Variants in CTNNA3 observed in about 807,000 individuals in gnomAD.
CTNNA3 encodes catenin alpha-3.
A neutral mutation model predicts 95.7 loss-of-function variants in CTNNA3; 76 were observed. The ratio of observed to expected loss-of-function variants is 0.79; its 90% CI spans 0.66 to 0.96. The LOEUF (loss-of-function observed/expected upper bound fraction) is 0.96, where lower values mean the gene tolerates loss of function less well. Ranked by LOEUF, CTNNA3 falls within the 40% of genes least tolerant of loss-of-function variation. The pLI is 0.00. For synonymous variants in CTNNA3, 431 were observed against 374.4 expected (o/e 1.15, Z -1.74); for missense variants, 1,191 against 1,089.8 (o/e 1.09, Z -1.31).
At chr10:67,559,735 T>G (rs1841415380) in intron 3 of CTNNA3, among the ~76,000 whole-genome samples, 1 of 151,964 alleles carries the variant, frequency 6.6e-6, no homozygotes, top group Non-Finnish European at 1.5e-5. Context: ...GTTAAAAACT[T>G]TGAAAAAAAT....
chr10:67,065,729 C>T (rs1856033898), intron 7 of CTNNA3, among the ~76,000 whole-genome samples: 1 of 152,012 alleles, frequency 6.6e-6, no homozygotes, highest in South Asian at 2.1e-4. Context: ...CTAAGCCACA[C>T]GATAAAGGAG....
chr10:66,065,884 A>T (rs960081810), intron 15 of CTNNA3, among the ~76,000 whole-genome samples: 1 of 151,852 alleles, frequency 6.6e-6, no homozygotes, highest in African/African-American at 2.4e-5. Context: ...TTTTTTTGAG[A>T]CAGAGTTTCG....
At chr10:67,714,645 G>A (rs1237406452) in intron 1 of CTNNA3, among the ~76,000 whole-genome samples, 1 of 152,204 alleles carries the variant, frequency 6.6e-6, no homozygotes, top group Non-Finnish European at 1.5e-5. Flanking sequence ...GGACTGTTGA[G>A]AAGGCATGAC....
chr10:66,345,840 C>T (rs2092504091), intron 12 of CTNNA3, among the ~76,000 whole-genome samples: 1 of 151,778 alleles, frequency 6.6e-6, no homozygotes. Flanking sequence ...CTTTGGGAGG[C>T]CAAGGCGGGT....
intron 7 of CTNNA3, among the ~76,000 whole-genome samples, chr10:66,949,914 G>A (rs141342188): frequency 2.0e-4 from 31 of 152,262 alleles, no homozygotes; most frequent in Middle Eastern, 3.4e-3. Flanking sequence ...TCAGAATCAC[G>A]GGCCTAAAGC....
chr10:66,216,305 A>C (rs12412371), intron 13 of CTNNA3, among the ~76,000 whole-genome samples: 2,373 of 152,356 alleles, frequency 0.016, 155 homozygotes, highest in Admixed American at 0.11. Context: ...AATCAAGATC[A>C]ACAGTACTGT....
At chr10:67,758,281 T>C (rs1841444102) in intron 1 of CTNNA3, among the ~76,000 whole-genome samples, 1 of 146,690 alleles carries the variant, frequency 6.8e-6, no homozygotes, top group African/African-American at 2.5e-5. Flanking sequence ...CTCATGTGTA[T>C]ATGTATATAC....
chr10:67,330,184 T>C (rs564117050), intron 5 of CTNNA3, among the ~76,000 whole-genome samples: 2 of 152,304 alleles, frequency 1.3e-5, no homozygotes, highest in African/African-American at 4.8e-5. Flanking sequence ...CAGGATTCTG[T>C]TTTTAGAAGA....
At chr10:67,553,299 A>G (rs1353441587) in intron 3 of CTNNA3, among the ~76,000 whole-genome samples, 1 of 152,028 alleles carries the variant, frequency 6.6e-6, no homozygotes, top group African/African-American at 2.4e-5. Context: ...TTATGTACAA[A>G]ATTTAATTCA....
At chr10:67,124,333 GGTGTGTGTGTGT>G (rs141981196) in intron 7 of CTNNA3, among the ~76,000 whole-genome samples, 27 of 141,870 alleles carry the variant, frequency 1.9e-4, no homozygotes, top group African/African-American at 5.5e-4. Flanking sequence ...GTGTGTTAGC[GGTGTGTGTGTGT>G]GTGTGTGTGT....
intron 9 of CTNNA3, among the ~76,000 whole-genome samples, chr10:66,656,917 C>CTGCCAAAAT (rs1757753337): frequency 6.6e-6 from 1 of 151,972 alleles, no homozygotes; most frequent in African/African-American, 2.4e-5. Flanking sequence ...AAGCTGTTTC[C>CTGCCAAAAT]TGCCAAAATT....
intron 1 of CTNNA3, among the ~76,000 whole-genome samples, chr10:67,691,637 G>C (rs961382625): frequency 1.3e-5 from 2 of 151,736 alleles, no homozygotes; most frequent in Non-Finnish European, 2.9e-5. Flanking sequence ...TCTGAGAAGT[G>C]AGGAGCCCCT....
intron 9 of CTNNA3, among the ~76,000 whole-genome samples, chr10:66,664,586 C>A (rs4288662): frequency 6.6e-6 from 1 of 151,954 alleles, no homozygotes. Flanking sequence ...GGTGCCATGA[C>A]TACGACAAGC....
At chr10:67,205,813 G>C (rs558117304) in intron 6 of CTNNA3, among the ~76,000 whole-genome samples, 2 of 152,322 alleles carry the variant, frequency 1.3e-5, no homozygotes, top group South Asian at 4.1e-4. Flanking sequence ...AAAAAAGGGA[G>C]AGACACGTTA....
At chr10:66,702,811 G>A (rs1847998162) in intron 9 of CTNNA3, among the ~76,000 whole-genome samples, 2 of 150,242 alleles carry the variant, frequency 1.3e-5, no homozygotes, top group Admixed American at 1.3e-4. Context: ...TTTATAAACT[G>A]ACATGATTTC....
At chr10:66,618,001 C>A (rs980577698) in intron 10 of CTNNA3, among the ~76,000 whole-genome samples, 3 of 151,630 alleles carry the variant, frequency 2.0e-5, no homozygotes, top group African/African-American at 4.9e-5. Flanking sequence ...ATCCAACTTA[C>A]AAGGGACGTG....
In CTNNA3 at chr10:65,915,207, G is replaced by A. The variant is rs1461661297; in HGVS notation, c.*5123C>T. The A allele has an allele frequency of 1.3e-5, 2 of 152,076 alleles. No individual in the cohort carries two copies. The highest frequency in any genetic ancestry group is 6.6e-5 in the Admixed American group (1 of 15,266). 9.4% of individuals were successfully genotyped at this position (152,076 alleles called of 1,614,324 possible). ...TTGGGAAGAATTTCACCTACCATCAGTCAGGAGAATGGCTGAATTTCTGTT... is the reference window on the plus strand; with the variant it reads ...TTGGGAAGAATTTCACCTACCATCAATCAGGAGAATGGCTGAATTTCTGTT... On this transcript the variant is annotated 3_prime_UTR_variant, in exon 18 of 18. Transcript: ENST00000433211.
At chr10:66,529,452 T>TTG (rs59036300) in intron 10 of CTNNA3, among the ~76,000 whole-genome samples, 5,774 of 146,248 alleles carry the variant, frequency 0.039, 383 homozygotes, top group African/African-American at 0.13. Context: ...TTTTTTTTGT[T>TTG]TTTTTTTTTT....
At chr10:66,786,208 G>A (rs1448348407) in intron 7 of CTNNA3, among the ~76,000 whole-genome samples, 1 of 152,090 alleles carries the variant, frequency 6.6e-6, no homozygotes. Context: ...CTTGTTCATA[G>A]CTATATAAAT....
Sources: gnomAD v4.1 joint callset for allele counts (sites outside exome capture counted in the v4.1 genomes callset) on GRCh38, gnomAD v4.1.1 for gene constraint, MANE v1.5 for transcripts, NCBI Gene and HGNC (gene_info 2026-07-23, HGNC 2026-07-21) for gene names.